The following ISL2 variants were observed in gnomAD, a reference collection of about 807,000 sequenced individuals.
The protein encoded by ISL2 is insulin gene enhancer protein ISL-2.
In ISL2, 17 loss-of-function variants were observed where a neutral mutation model predicts 34.6. The observed-to-expected ratio is 0.49, with a 90% confidence interval of 0.34 to 0.74. The LOEUF (loss-of-function observed/expected upper bound fraction) is 0.74, where lower values mean the gene tolerates loss of function less well. Among genes scored for constraint, ISL2 ranks in the 30% least tolerant of loss-of-function variants. The pLI is 0.01. For synonymous variants in ISL2, 232 were observed against 225.5 expected, an observed-to-expected ratio of 1.03 and a Z score of -0.26; for missense variants, 469 against 515.2, an observed-to-expected ratio of 0.91 and a Z score of 0.87.
chr15:76,340,357 T>C lies in ISL2; in HGVS notation c.593T>C (p.Leu198Pro). ...AAGACGACCCGCGTGCGGACTGTGC[T>C]GAACGAGAAGCAGCTGCACACTCTG... ...TEKTTRVRTV[L>P]NEKQLHTLRT... is the part of the protein sequence containing the mutation. Residue 198 changes from leucine to proline, a missense_variant, in exon 4 of 6, where the codon CTG becomes CCG. Around this residue, in one of 3 missense-constraint regions of ISL2, gnomAD observed 297 missense variants for 337.8 expected, o/e 0.88. Transcript: ENST00000290759. The C allele has an allele frequency of 1.2e-6, 2 of 1,613,228 alleles. No individual in the cohort carries two copies. The highest frequency in any genetic ancestry group is 1.7e-6 in the Non-Finnish European group (2 of 1,179,934).
Position 76,341,918 on chromosome 15 carries a change from A to C in ISL2, c.*83A>C, listed in dbSNP as rs2040197473. On this transcript the variant is annotated 3_prime_UTR_variant, in exon 6 of 6. Transcript: ENST00000290759. ...CATGCTCAGGCCATTCCAGTTCCGA[A>C]AGCTCTCTCGCCTTCGTAATTATTC... is the stretch of plus-strand genomic sequence containing the variant. The C allele has an allele frequency of 2.3e-6, 2 of 874,312 alleles. No individual in the cohort carries two copies. The highest frequency in any genetic ancestry group is 4.9e-5 in the East Asian group (2 of 41,040). 54.2% of individuals were successfully genotyped at this position (874,312 alleles called of 1,614,324 possible). A position where few individuals can be genotyped will look rare whatever the true frequency, so the allele number is the denominator to read the frequency against.
In ISL2 at chr15:76,342,002, A is replaced by ATGCAACCTGCTTTCACCAGAC. The variant is rs2040198033; in HGVS notation, c.*172_*192dup. On this transcript the variant is annotated 3_prime_UTR_variant, in exon 6 of 6. Transcript: ENST00000290759. ...GGTCTGGACAGCCCAAGGCGCCAGG[A>ATGCAACCTGCTTTCACCAGAC]TGCAACCTGCTTTCACCAGACTGCA... The ATGCAACCTGCTTTCACCAGAC allele has an allele frequency of 3.3e-6, 2 of 599,396 alleles. No individual in the cohort carries two copies. Among genetic ancestry groups the ATGCAACCTGCTTTCACCAGAC allele is most frequent in the Non-Finnish European group, 6.0e-6 (2 of 335,110 alleles). 37.1% of individuals were successfully genotyped at this position (599,396 alleles called of 1,614,324 possible).
At chr15:76,340,041 C>T in intron 3 of ISL2, 1 of 1,352,744 alleles carries the variant, frequency 7.4e-7, no homozygotes, top group Non-Finnish European at 9.5e-7. Flanking sequence ...CCTGCTTGAG[C>T]TCGGGAGAGA....
chr15:76,339,499 C>G (rs1274858788), intron 3 of ISL2: 2 of 985,486 alleles, frequency 2.0e-6, no homozygotes, highest in Non-Finnish European at 2.4e-6. Context: ...AGAGGCTCCC[C>G]TTTGTTTGTT....
chr15:76,337,424 C>CA, intron 1 of ISL2: 1 of 336,786 alleles, frequency 3.0e-6, no homozygotes, highest in South Asian at 5.8e-5. Context: ...AATGCCAGGA[C>CA]AGCACCGTTA....
intron 3 of ISL2, chr15:76,339,308 G>A (rs957195418): frequency 1.0e-6 from 1 of 982,958 alleles, no homozygotes; most frequent in African/African-American, 1.7e-5. Flanking sequence ...CCTCCCTATA[G>A]AAAGAGGAAA....
At position 76,341,763 on chromosome 15, in the gene ISL2, C is replaced by A. The variant is rs777682157; in HGVS notation, c.1008C>A (p.Ser336Arg). ...ESGSLGNSSGSDVTSLSSQLP... is the reference protein window; with the variant it reads ...ESGSLGNSSGRDVTSLSSQLP... The stretch of plus-strand genomic sequence containing the variant: ...GCTCCCTAGGCAACTCCTCCGGCAG[C>A]GACGTGACCTCCCTGTCCTCGCAGC... Residue 336 changes from serine to arginine, a missense_variant, in exon 6 of 6, where the codon AGC (serine) becomes AGA (arginine). Transcript: ENST00000290759. 1 of 1,614,010 alleles carries A rather than the reference C, an allele frequency of 6.2e-7. No homozygotes were observed.
At position 76,341,593 on chromosome 15, in the gene ISL2, C is replaced by T. The variant is rs575137002; in HGVS notation, c.964-126C>T. The T allele has an allele frequency of 1.6e-3, 1,267 of 790,218 alleles. 8 individuals carry two copies. Among genetic ancestry groups the T allele is most frequent in the Non-Finnish European group, 2.3e-3 (1,053 of 458,974 alleles). The allele number at this position is 790,218 out of a possible 1,614,324, so 49.0% of individuals were successfully genotyped here. A position where few individuals can be genotyped will look rare whatever the true frequency, so the allele number is the denominator to read the frequency against. ...CGCCTGGGGACCTGGCCTCCTTCTC[C>T]GCAGGGCTTGCTCTCAGCTGGCGGC... On this transcript the variant is annotated intron_variant, in intron 5 of 5. Transcript: ENST00000290759.
intron 2 of ISL2, 23 bp downstream of exon 2, chr15:76,337,990 C>A (rs951931433): frequency 9.1e-6 from 14 of 1,537,062 alleles, no homozygotes; most frequent in Non-Finnish European, 1.2e-5. Context: ...GGAACGCGGG[C>A]TGGGCCACCG....
chr15:76,341,780 C>G lies in ISL2; in HGVS notation c.1025C>G (p.Ser342Cys). The G allele has an allele frequency of 1.2e-6, 2 of 1,613,990 alleles. No homozygotes were observed. The highest frequency in any genetic ancestry group is 1.7e-6 in the Non-Finnish European group (2 of 1,180,030). ...TCCGGCAGCGACGTGACCTCCCTGT[C>G]CTCGCAGCTCCCGGACACCCCCAAC... ...NSSGSDVTSL[S>C]SQLPDTPNSM... The change falls in exon 6 of 6, where the codon TCC (serine) becomes TGC (cysteine). Residue 342 changes from serine to cysteine, a missense_variant. By Grantham distance (112) the Ser-to-Cys change is moderately radical (BLOSUM62 -1). Coordinates refer to ENST00000290759, the MANE Select transcript of ISL2 (RefSeq NM_145805.3).
rs753082059 is a variant in ISL2, at chr15:76,341,125, GC to G, written c.796-5del. 2 of 1,555,118 alleles carry G rather than the reference GC, an allele frequency of 1.3e-6. No individual in the cohort carries two copies. The highest frequency in any genetic ancestry group is 3.8e-5 in the Admixed American group (2 of 52,294). ...CTCGAGCACCTACTGCCTTCTGCTT[GC>G]CCCGCAGAGCCTTCAGGGACTGACT... On this transcript the variant is annotated splice_polypyrimidine_tract_variant and splice_region_variant and intron_variant, in intron 4 of 5. Coordinates refer to ENST00000290759, the MANE Select transcript of ISL2 (RefSeq NM_145805.3).
rs1168251302 is a variant in ISL2 at position 76,338,359 on chromosome 15, T to C, written c.356T>C (p.Val119Ala). 1 of 1,559,710 alleles carries C rather than the reference T, an allele frequency of 6.4e-7. No homozygotes were observed. Among genetic ancestry groups the C allele is most frequent in the Non-Finnish European group, 8.6e-7 (1 of 1,160,644 alleles). Reference protein sequence around the residue: ...VYHIECFRCSVCSRQLLPGDE... With the variant: ...VYHIECFRCSACSRQLLPGDE... ...CACATCGAGTGCTTCCGCTGCTCCGTGTGCAGCCGCCAGCTGCTGCCTGGG... is the reference window on the plus strand; with the variant it reads ...CACATCGAGTGCTTCCGCTGCTCCGCGTGCAGCCGCCAGCTGCTGCCTGGG... The change falls in exon 3 of 6, where the codon GTG becomes GCG. Residue 119 changes from valine to alanine, a missense_variant. Around this residue, in one of 3 missense-constraint regions of ISL2, gnomAD observed 297 missense variants for 337.8 expected, o/e 0.88. Coordinates refer to ENST00000290759, the MANE Select transcript of ISL2 (RefSeq NM_145805.3).
Position 76,338,372 on chromosome 15 carries a change from G to A in ISL2, c.369G>A (p.Gln123=). The A allele has an allele frequency of 6.4e-7, 1 of 1,552,524 alleles. No individual in the cohort carries two copies. The highest frequency in any genetic ancestry group is 8.6e-7 in the Non-Finnish European group (1 of 1,157,878). Residue 123 remains glutamine (Q), a synonymous_variant, in exon 3 of 6, where the codon CAG becomes CAA. Coordinates refer to ENST00000290759, the MANE Select transcript of ISL2 (RefSeq NM_145805.3). ...TCCGCTGCTCCGTGTGCAGCCGCCA[G>A]CTGCTGCCTGGGGACGAGTTCTCGC... ...ECFRCSVCSR[Q]LLPGDEFSLR...
intron 2 of ISL2, 135 bp downstream of exon 2, chr15:76,338,102 C>G: frequency 5.2e-6 from 7 of 1,334,922 alleles, no homozygotes; most frequent in Non-Finnish European, 5.9e-6. Flanking sequence ...TGCCGCAGCG[C>G]TCCCCCGGGC....
In ISL2 at chr15:76,337,891, TGCA is replaced by T; in HGVS notation, c.175_177del (p.Ser59del). On this transcript the variant is annotated inframe_deletion, in exon 2 of 6. Transcript: ENST00000290759. Reference sequence around the variant, plus strand: ...CGCGGCCTGCCTCAAGTGTGCCGAGTGCAGCCAGTACCTGGACGAGACGTGCAC... The same window carrying T: ...CGCGGCCTGCCTCAAGTGTGCCGAGTGCCAGTACCTGGACGAGACGTGCAC... 1 of 1,612,628 alleles carries T rather than the reference TGCA, an allele frequency of 6.2e-7. No individual in the cohort carries two copies. Among genetic ancestry groups the T allele is most frequent in the Non-Finnish European group, 8.5e-7 (1 of 1,179,692 alleles).
intron 3 of ISL2, chr15:76,339,947 G>A (rs77623289): frequency 8.8e-7 from 1 of 1,139,762 alleles, no homozygotes; most frequent in South Asian, 3.1e-5. Flanking sequence ...GGCTTCGCTC[G>A]TTCCGAGGGT....
At chr15:76,338,555 TGTGC>T in intron 3 of ISL2, 41 bp downstream of exon 3, 1 of 1,284,268 alleles carries the variant, frequency 7.8e-7, no homozygotes, top group Admixed American at 3.2e-5. Flanking sequence ...GCGGGGTGTA[TGTGC>T]GTGCGTGTGT....
intron 3 of ISL2, chr15:76,339,386 G>A (rs1340309182): frequency 1.0e-6 from 1 of 985,442 alleles, no homozygotes; most frequent in Non-Finnish European, 1.2e-6. Context: ...AACATAAACC[G>A]AAATGGTGCA....
intron 5 of ISL2, 94 bp downstream of exon 5, chr15:76,341,395 G>A (rs1216891712): frequency 9.5e-6 from 12 of 1,266,952 alleles, no homozygotes; most frequent in Non-Finnish European, 1.1e-5. Context: ...GTGGCCTTGG[G>A]CTGAGGGGCT....
Sources: gnomAD v4.1 joint callset for allele counts on GRCh38, gnomAD v4.1.1 for gene constraint, gnomAD v4.1.1 regional missense constraint, MANE v1.5 for transcripts, NCBI Gene and HGNC (gene_info 2026-07-23, HGNC 2026-07-21) for gene names.